The following ADCK1 variants were observed in gnomAD, a reference collection of about 807,000 sequenced individuals.
The protein encoded by ADCK1 is aarF domain containing kinase 1.
A neutral mutation model predicts 52.3 loss-of-function variants in ADCK1; 41 were observed. That is an observed-to-expected ratio of 0.78 (90% confidence interval 0.61 to 1.02). ADCK1 has a LOEUF of 1.02. Ranked by LOEUF, ADCK1 falls within the 50% of genes least tolerant of loss-of-function variation. The pLI, the probability that ADCK1 is intolerant of heterozygous loss-of-function variation, is 0.00. For synonymous variants in ADCK1, 250 were observed against 274.6 expected (o/e 0.91, Z 0.89); for missense variants, 658 against 679.5 (o/e 0.97, Z 0.35).
At chr14:77,839,444 G>A (rs1594910747) in intron 3 of ADCK1, among the ~76,000 whole-genome samples, 1 of 152,136 alleles carries the variant, frequency 6.6e-6, no homozygotes, top group Admixed American at 6.5e-5. Flanking sequence ...TGGGTGAGAG[G>A]TGCCTGCCAA....
chr14:77,810,050 A>G (rs1004177410), intron 1 of ADCK1, among the ~76,000 whole-genome samples: 2 of 151,668 alleles, frequency 1.3e-5, no homozygotes. Context: ...AAAAAAAAAA[A>G]AAAAAAAATT....
rs770268465 is a variant in ADCK1 at position 77,887,115 on chromosome 14, G to C, written c.448G>C (p.Asp150His). 6.3e-7 allele frequency: 1 copy of C among 1,598,786 alleles called. No individual in the cohort carries two copies. The highest frequency in any genetic ancestry group is 8.5e-7 in the Non-Finnish European group (1 of 1,173,026). Reference protein sequence around the residue: ...KEIHDLFQSFDDTPLGTASLA... With the variant: ...KEIHDLFQSFHDTPLGTASLA... The stretch of plus-strand genomic sequence containing the variant: ...GATCCATGATTTGTTCCAGAGCTTC[G>C]ATGACACCCCTCTGGGGACGGCCTC... The change falls in exon 5 of 11, where the codon GAT becomes CAT. Residue 150 changes from aspartate to histidine, a missense_variant. By Grantham distance (81) the Asp-to-His change is moderately conservative. Coordinates refer to ENST00000238561, the MANE Select transcript of ADCK1 (RefSeq NM_020421.4).
chr14:77,876,777 C>T (rs1185107253), intron 4 of ADCK1, among the ~76,000 whole-genome samples: 1 of 152,188 alleles, frequency 6.6e-6, no homozygotes, highest in Admixed American at 6.5e-5. Context: ...TGCCACCCCC[C>T]GACCTCCCAA....
chr14:77,910,849 C>T (rs2083775439), intron 7 of ADCK1, among the ~76,000 whole-genome samples: 1 of 152,176 alleles, frequency 6.6e-6, no homozygotes, highest in Non-Finnish European at 1.5e-5. Flanking sequence ...CTGCTTCTGC[C>T]TCCCCGCTCT....
At chr14:77,842,849 C>T (rs2364740) in intron 3 of ADCK1, among the ~76,000 whole-genome samples, 51,600 of 150,570 alleles carry the variant, frequency 0.34, 9,808 homozygotes, top group African/African-American at 0.5. Context: ...TGTGCCTGGT[C>T]GAGGGTATTT....
rs1433642498 is a variant in ADCK1, at chr14:77,800,959, G to A, written c.-12+789G>A. On this transcript the variant is annotated intron_variant, in intron 1 of 10. Transcript: ENST00000238561. ...AATAATTTTCTTGGGGCTGGATGTG[G>A]TGGCTGATGCCTGTAATCCCAGCAC... Among the ~76,000 whole-genome samples, 5 of 152,318 alleles carry A rather than the reference G, an allele frequency of 3.3e-5. No individual in the cohort carries two copies. The East Asian group carries it at 7.7e-4, about 23-fold the overall frequency.
chr14:77,828,224 A>G (rs2081761903), intron 3 of ADCK1, among the ~76,000 whole-genome samples: 2 of 152,138 alleles, frequency 1.3e-5, no homozygotes, highest in African/African-American at 4.8e-5. Flanking sequence ...TTGGCTTCCC[A>G]GAGTGCTGGA....
chr14:77,896,546 T>C (rs529489746), intron 5 of ADCK1, among the ~76,000 whole-genome samples: 1 of 152,250 alleles, frequency 6.6e-6, no homozygotes, highest in Non-Finnish European at 1.5e-5. Flanking sequence ...TTAGATGGCA[T>C]GGCTGGCCTC....
chr14:77,859,300 G>C (rs774117602), intron 4 of ADCK1, 21 bp downstream of exon 4: 6 of 1,607,596 alleles, frequency 3.7e-6, no homozygotes, highest in Non-Finnish European at 5.1e-6. Context: ...TTGCAGGGGG[G>C]ATGGGCCTTG....
In ADCK1 at chr14:77,899,179, C is replaced by T. The variant is rs1286467031; in HGVS notation, c.662C>T (p.Pro221Leu). ...WLVDEAKKNLPLELDFLNEGR... is the reference protein window; with the variant it reads ...WLVDEAKKNLLLELDFLNEGR... ...GTGGATGAAGCCAAGAAGAACCTGC[C>T]TTTGGAGCTGGATTTCCTCAATGAA... The change falls in exon 6 of 11, where the codon CCT becomes CTT. Residue 221 changes from proline to leucine, a missense_variant. Pro to Leu is a moderately conservative substitution (Grantham distance 98). Coordinates refer to ENST00000238561, the MANE Select transcript of ADCK1 (RefSeq NM_020421.4). The T allele has an allele frequency of 1.2e-6, 2 of 1,614,166 alleles. No individual in the cohort carries two copies. The highest frequency in any genetic ancestry group is 1.7e-5 in the Admixed American group (1 of 60,026).
chr14:77,928,762 T>C (rs933984283), intron 9 of ADCK1, among the ~76,000 whole-genome samples: 4 of 152,120 alleles, frequency 2.6e-5, no homozygotes, highest in Non-Finnish European at 4.4e-5. Context: ...GCCCAGCCTG[T>C]TTTTGCATTC....
intron 1 of ADCK1, among the ~76,000 whole-genome samples, chr14:77,800,708 A>G (rs1014387878): frequency 2.6e-5 from 4 of 152,246 alleles, no homozygotes; most frequent in African/African-American, 9.6e-5. Context: ...CACACAGTAG[A>G]TATGTGCTAA....
chr14:77,822,305 T>C, intron 2 of ADCK1, 130 bp from the exon 3 acceptor site: 1 of 704,034 alleles, frequency 1.4e-6, no homozygotes, highest in East Asian at 2.6e-5. Flanking sequence ...GGGCCAGGCA[T>C]CTTAGGGGTG....
At chr14:77,914,794 C>T (rs1025812678) in intron 7 of ADCK1, among the ~76,000 whole-genome samples, 3 of 152,150 alleles carry the variant, frequency 2.0e-5, no homozygotes, top group Admixed American at 6.5e-5. Flanking sequence ...ATAATTCATG[C>T]GTTCATGGTT....
chr14:77,907,756 G>T (rs117592165), intron 6 of ADCK1, 47 bp from the exon 7 acceptor site: 12 of 1,469,060 alleles, frequency 8.2e-6, no homozygotes, highest in Non-Finnish European at 1.0e-5. Context: ...ATCCTTGCCC[G>T]ATTCCCAGCT....
intron 3 of ADCK1, among the ~76,000 whole-genome samples, chr14:77,846,842 G>C (rs139370858): frequency 2.0e-5 from 3 of 152,218 alleles, no homozygotes; most frequent in African/African-American, 7.2e-5. Context: ...GACCCGAAGC[G>C]GAGAAGCTGA....
At chr14:77,870,225 T>C (rs1455841663) in intron 4 of ADCK1, among the ~76,000 whole-genome samples, 2 of 152,214 alleles carry the variant, frequency 1.3e-5, no homozygotes, top group Admixed American at 1.3e-4. Flanking sequence ...CCTGAGAAGG[T>C]AACAGCTATG....
chr14:77,811,464 G>C (rs2081337398), intron 1 of ADCK1, among the ~76,000 whole-genome samples: 1 of 152,148 alleles, frequency 6.6e-6, no homozygotes, highest in African/African-American at 2.4e-5. Flanking sequence ...AACCTGGGCT[G>C]ATTGGACTCC....
intron 10 of ADCK1, among the ~76,000 whole-genome samples, chr14:77,932,673 A>G (rs1381408582): frequency 1.3e-5 from 2 of 152,202 alleles, no homozygotes; most frequent in Admixed American, 1.3e-4. Flanking sequence ...GAAAGGGCCA[A>G]CTTTGATTTA....
Sources: gnomAD v4.1 joint callset for allele counts (sites outside exome capture counted in the v4.1 genomes callset) on GRCh38, gnomAD v4.1.1 for gene constraint, MANE v1.5 for transcripts, NCBI Gene and HGNC (gene_info 2026-07-23, HGNC 2026-07-21) for gene names.